SGCD: variants seen among roughly 807,000 people sequenced by gnomAD.
The protein encoded by SGCD is delta-sarcoglycan.
SGCD carries 18 observed loss-of-function variants against 36.6 expected under a neutral mutation model. That is an observed-to-expected ratio of 0.49 (90% CI 0.34 to 0.73). The LOEUF (loss-of-function observed/expected upper bound fraction) is 0.73, where lower values mean the gene tolerates loss of function less well. Among genes scored for constraint, SGCD ranks in the 30% least tolerant of loss-of-function variants. The probability of loss-of-function intolerance (pLI) is 0.01; values close to 1 mark genes in which losing one functional copy is unlikely to be tolerated. For missense variants in SGCD, 387 were observed against 346.7 expected, an observed-to-expected ratio of 1.12 and a Z score of -0.92; for synonymous variants, 133 against 130.6, an observed-to-expected ratio of 1.02 and a Z score of -0.12.
intron 3 of SGCD, among the ~76,000 whole-genome samples, chr5:156,496,191 A>G (rs1756179404): frequency 6.6e-6 from 1 of 152,130 alleles, no homozygotes; most frequent in African/African-American, 2.4e-5. Context: ...CTTCTGTCCA[A>G]CTACCTATTA....
chr5:156,253,578 G>A lies in SGCD; in HGVS notation c.-43-75956G>A, dbSNP rs371815737. Among the ~76,000 whole-genome samples, 23 of 152,140 alleles carry A rather than the reference G, an allele frequency of 1.5e-4. 1 individual carries two copies. In the South Asian group the frequency reaches 1.7e-3, roughly 11 times the overall value. Reference sequence around the variant, plus strand: ...AATTGTCTATAGAAGGCTTCCTATCGCCGTATAACTTCCCATCTTCCAAAA... The same window carrying A: ...AATTGTCTATAGAAGGCTTCCTATCACCGTATAACTTCCCATCTTCCAAAA... On this transcript the variant is annotated intron_variant, in intron 3 of 9. Coordinates refer to the SGCD transcript ENST00000517913.
chr5:156,397,806 C>A (rs1771942269), intron 3 of SGCD, among the ~76,000 whole-genome samples: 1 of 152,146 alleles, frequency 6.6e-6, no homozygotes, highest in Non-Finnish European at 1.5e-5. Context: ...TCCAAGGAAG[C>A]AGGGTAAAAT....
chr5:155,846,622 C>T, the SGCD span, among the ~76,000 whole-genome samples: 102 of 152,306 alleles, frequency 6.7e-4, 1 homozygote, highest in South Asian at 4.6e-3. Context: ...CACCAGATTT[C>T]TCATTGGTTC....
the SGCD span, among the ~76,000 whole-genome samples, chr5:155,859,487 T>C: frequency 1.3e-5 from 2 of 152,310 alleles, no homozygotes; most frequent in East Asian, 1.9e-4. Flanking sequence ...ACAGCCAGGA[T>C]ACAAAATATT....
At chr5:156,369,104 A>G (rs1770256268) in intron 3 of SGCD, among the ~76,000 whole-genome samples, 1 of 152,312 alleles carries the variant, frequency 6.6e-6, no homozygotes, top group South Asian at 2.1e-4. Flanking sequence ...TGTGTATGAG[A>G]CAGAGGGTTT....
the SGCD span, among the ~76,000 whole-genome samples, chr5:155,795,426 T>C: frequency 2.0e-5 from 3 of 152,052 alleles, no homozygotes; most frequent in African/African-American, 7.2e-5. Flanking sequence ...GTTGTATGTT[T>C]TACCACTAAC....
In SGCD at chr5:156,735,486, G is replaced by A. The variant is rs1317914354; in HGVS notation, c.576-22095G>A. ...GTTGTGAGGTTCTTCCCTGTGAAGA[G>A]GAACAGGATCAGGCATCTGCTTAAA... On this transcript the variant is annotated intron_variant, in intron 7 of 8. Transcript: ENST00000337851. Among the ~76,000 whole-genome samples, 7 of 152,196 alleles carry A rather than the reference G, an allele frequency of 4.6e-5. No individual in the cohort carries two copies. In the South Asian group the frequency reaches 1.0e-3, roughly 23 times the overall value.
the SGCD span, among the ~76,000 whole-genome samples, chr5:155,794,206 G>A: frequency 4.6e-5 from 7 of 151,984 alleles, no homozygotes; most frequent in South Asian, 2.1e-4. Context: ...TAATCACCTC[G>A]AATTATTTTT....
intron 1 of SGCD, among the ~76,000 whole-genome samples, chr5:155,872,935 A>G (rs1171507995): frequency 2.6e-5 from 4 of 152,198 alleles, no homozygotes; most frequent in African/African-American, 9.6e-5. Context: ...TGTTGTGTAA[A>G]GGGCTAGGGC....
At chr5:156,647,280 A>G (rs1395209806) in intron 6 of SGCD, among the ~76,000 whole-genome samples, 184 bp from the exon 7 acceptor site, 2 of 152,156 alleles carry the variant, frequency 1.3e-5, no homozygotes, top group Non-Finnish European at 2.9e-5. Context: ...CTTGTTTTTC[A>G]AAGGCTGTTT....
chr5:156,366,716 A>C (rs966843473), intron 3 of SGCD, among the ~76,000 whole-genome samples: 3 of 152,206 alleles, frequency 2.0e-5, no homozygotes, highest in African/African-American at 7.2e-5. Flanking sequence ...AGCTGAACCT[A>C]GTGTCAGTTT....
intron 3 of SGCD, among the ~76,000 whole-genome samples, chr5:156,397,453 T>C (rs538503739): frequency 2.0e-5 from 3 of 152,308 alleles, no homozygotes; most frequent in African/African-American, 4.8e-5. Flanking sequence ...GGCTATACTT[T>C]TTCCTCTCCG....
chr5:156,582,677 GC>G (rs1246940649), intron 4 of SGCD, among the ~76,000 whole-genome samples: 3 of 152,168 alleles, frequency 2.0e-5, no homozygotes, highest in African/African-American at 4.8e-5. Context: ...AGCTTGACTA[GC>G]AAATTAGAAT....
chr5:156,357,276 C>T (rs998956358), intron 3 of SGCD, among the ~76,000 whole-genome samples: 14 of 152,198 alleles, frequency 9.2e-5, no homozygotes, highest in African/African-American at 3.4e-4. Context: ...TGTAAAGAAA[C>T]TGAAGCATAG....
chr5:156,038,796 C>T (rs1163195128), intron 1 of SGCD, among the ~76,000 whole-genome samples: 1 of 152,158 alleles, frequency 6.6e-6, no homozygotes, highest in Admixed American at 6.5e-5. Context: ...CGCAGAAGAA[C>T]CTACAAAGGG....
the SGCD span, among the ~76,000 whole-genome samples, chr5:155,788,938 C>T: frequency 1.3e-5 from 2 of 151,984 alleles, no homozygotes; most frequent in Non-Finnish European, 2.9e-5. Flanking sequence ...CTGGCATGGT[C>T]AAGGAATACT....
intron 3 of SGCD, among the ~76,000 whole-genome samples, chr5:156,292,317 T>A (rs1766779018): frequency 6.6e-6 from 1 of 152,154 alleles, no homozygotes; most frequent in African/African-American, 2.4e-5. Flanking sequence ...ATCATTCTAC[T>A]TTTTATCGCT....
intron 4 of SGCD, among the ~76,000 whole-genome samples, chr5:156,544,785 A>G (rs1016478499): frequency 6.6e-6 from 1 of 152,188 alleles, no homozygotes. Context: ...CATTACTATT[A>G]TTATCATTGA....
chr5:156,133,418 C>A (rs189846706), intron 3 of SGCD, among the ~76,000 whole-genome samples: 52 of 152,188 alleles, frequency 3.4e-4, no homozygotes, highest in African/African-American at 1.1e-3. Flanking sequence ...ATATTCTATT[C>A]TTTTCTTCCT....
Sources: gnomAD v4.1 joint callset for allele counts (sites outside exome capture counted in the v4.1 genomes callset) on GRCh38, gnomAD v4.1.1 for gene constraint, MANE v1.5 for transcripts, NCBI Gene and HGNC (gene_info 2026-07-23, HGNC 2026-07-21) for gene names.